DPP6: variants seen among roughly 807,000 people sequenced by gnomAD.
DPP6 encodes the protein dipeptidyl peptidase like 6.
DPP6 carries 69 observed loss-of-function variants against 122.6 expected under a neutral mutation model. The observed-to-expected ratio is 0.56, with a 90% CI of 0.46 to 0.69. The LOEUF is 0.69. Ranked by LOEUF, DPP6 falls within the 30% of genes least tolerant of loss-of-function variation. The probability of loss-of-function intolerance (pLI) is 0.00; values close to 1 mark genes in which losing one functional copy is unlikely to be tolerated. For missense variants in DPP6, 928 were observed against 1,116.9 expected, an observed-to-expected ratio of 0.83 and a Z score of 2.41; for synonymous variants, 418 against 433.1, an observed-to-expected ratio of 0.97 and a Z score of 0.43.
chr7:154,678,705 T>G, intron 7 of DPP6, among the ~76,000 whole-genome samples: 1 of 152,238 alleles, frequency 6.6e-6, no homozygotes, highest in Admixed American at 6.5e-5. Flanking sequence ...GAATATTTTA[T>G]TTTGTTTGTT....
intron 8 of DPP6, among the ~76,000 whole-genome samples, chr7:154,761,505 G>A (rs866553817): frequency 1.3e-5 from 2 of 150,642 alleles, no homozygotes; most frequent in Non-Finnish European, 3.0e-5. Context: ...CCGAGACTGG[G>A]TAATTTAGAA....
At chr7:154,358,843 T>A (rs1811489039) in intron 1 of DPP6, among the ~76,000 whole-genome samples, 1 of 152,100 alleles carries the variant, frequency 6.6e-6, no homozygotes, top group South Asian at 2.1e-4. Flanking sequence ...GTGGCTGGGA[T>A]TACAGGCAGC....
chr7:153,845,966 AATG>A, the DPP6 span, among the ~76,000 whole-genome samples: 314 of 152,296 alleles, frequency 2.1e-3, 1 homozygote, highest in African/African-American at 7.3e-3. Flanking sequence ...AATTTCATCT[AATG>A]ATTTACTGTT....
intron 1 of DPP6, among the ~76,000 whole-genome samples, chr7:153,946,556 T>G (rs909714070): frequency 6.6e-6 from 1 of 152,092 alleles, no homozygotes; most frequent in African/African-American, 2.4e-5. Context: ...AGCAGGACCT[T>G]TGTGACTTGT....
chr7:154,467,771 A>T (rs1017053573), intron 2 of DPP6, among the ~76,000 whole-genome samples: 2 of 152,310 alleles, frequency 1.3e-5, no homozygotes, highest in African/African-American at 4.8e-5. Context: ...ATGTCATGGG[A>T]ATTCATTCCA....
chr7:154,434,830 T>C (rs1395619676), intron 1 of DPP6, among the ~76,000 whole-genome samples: 1 of 152,090 alleles, frequency 6.6e-6, no homozygotes, highest in Non-Finnish European at 1.5e-5. Flanking sequence ...TTTATTTTAT[T>C]CTATTTTTAT....
intron 5 of DPP6, among the ~76,000 whole-genome samples, chr7:154,623,657 A>C (rs62477227): frequency 8.9e-4 from 35 of 39,296 alleles, no homozygotes; most frequent in Non-Finnish European, 1.4e-3. Flanking sequence ...ACACACGCGC[A>C]CACACACGCA....
intron 8 of DPP6, among the ~76,000 whole-genome samples, chr7:154,740,802 A>T (rs1842783591): frequency 6.6e-6 from 1 of 152,130 alleles, no homozygotes; most frequent in Non-Finnish European, 1.5e-5. Flanking sequence ...TCACCCCCAC[A>T]CACAGGACAT....
intron 6 of DPP6, among the ~76,000 whole-genome samples, chr7:154,640,271 A>ACAT: frequency 6.6e-6 from 1 of 152,232 alleles, no homozygotes; most frequent in South Asian, 2.1e-4. Flanking sequence ...AAAAACAACA[A>ACAT]TTGGGATTAA....
intron 1 of DPP6, among the ~76,000 whole-genome samples, chr7:153,973,942 A>G (rs1423639555): frequency 1.3e-5 from 2 of 151,408 alleles, no homozygotes; most frequent in Non-Finnish European, 2.9e-5. Flanking sequence ...CATTTTGGCA[A>G]TTTTAAAAGT....
Position 154,450,496 on chromosome 7 carries a change from C to G in DPP6, c.358+4168C>G, listed in dbSNP as rs574914748. Among the ~76,000 whole-genome samples, 5 of 152,170 alleles carry G rather than the reference C, an allele frequency of 3.3e-5. No individual in the cohort carries two copies. In the East Asian group the frequency reaches 7.7e-4, roughly 23 times the overall value. On this transcript the variant is annotated intron_variant, in intron 2 of 25. Coordinates refer to ENST00000377770, the MANE Select transcript of DPP6 (RefSeq NM_130797.4). ...GTTGGGGGAGAAAAGTGTAACCTGG[C>G]CACAAAAGTGCCAGACATACTAAAT...
intron 1 of DPP6, chr7:153,887,810 T>A: frequency 1.3e-6 from 2 of 1,521,470 alleles, no homozygotes; most frequent in Non-Finnish European, 1.8e-6. Context: ...AGGTCTGTCC[T>A]TCTCAGTCCC....
intron 6 of DPP6, among the ~76,000 whole-genome samples, chr7:154,653,089 C>T (rs537694051): frequency 1.3e-5 from 2 of 152,130 alleles, no homozygotes; most frequent in Admixed American, 6.5e-5. Flanking sequence ...CTCTTGGCAA[C>T]ATTTTTTGTT....
chr7:154,274,853 AT>A (rs1563401161), intron 1 of DPP6, among the ~76,000 whole-genome samples: 1 of 152,188 alleles, frequency 6.6e-6, no homozygotes, highest in Non-Finnish European at 1.5e-5. Flanking sequence ...GTCAGGAATA[AT>A]TTTTTGAAAA....
intron 1 of DPP6, among the ~76,000 whole-genome samples, chr7:154,043,506 G>GGTATCTTATTGGAAGTCTTGTGTT (rs1420071823): frequency 2.6e-4 from 38 of 143,576 alleles, no homozygotes; most frequent in Non-Finnish European, 4.5e-4. Context: ...ATTATAACCA[G>GGTATCTTATTGGAAGTCTTGTGTT]GTATCTTATT....
intron 1 of DPP6, among the ~76,000 whole-genome samples, chr7:154,280,800 G>A (rs1368865344): frequency 6.6e-6 from 1 of 152,058 alleles, no homozygotes; most frequent in African/African-American, 2.4e-5. Context: ...TTTGTGCCAA[G>A]CTCTGTTCTA....
At chr7:154,834,646 C>T (rs905769758) in intron 16 of DPP6, among the ~76,000 whole-genome samples, 6 of 152,208 alleles carry the variant, frequency 3.9e-5, no homozygotes, top group East Asian at 1.9e-4. Context: ...TAGGGTTGCA[C>T]GGTGGTGAGC....
At position 154,663,957 on chromosome 7, in the gene DPP6, G is replaced by T. The variant is rs375290842; in HGVS notation, c.681-5403G>T. ...TGTAGTCAAGATGAATCACCATGGCGTATTGGCGCTAGTATTCATATAGTC... is the reference window on the plus strand; with the variant it reads ...TGTAGTCAAGATGAATCACCATGGCTTATTGGCGCTAGTATTCATATAGTC... On this transcript the variant is annotated intron_variant, in intron 6 of 25. Transcript: ENST00000377770. 2.9e-3 allele frequency among the ~76,000 whole-genome samples: 277 copies of T among 96,556 alleles called. 1 individual carries two copies. In the East Asian group the frequency reaches 0.11, roughly 38 times the overall value. 63.3% of individuals were successfully genotyped at this position (96,556 alleles called of 152,430 possible).
At chr7:153,946,779 G>A (rs1194078582) in intron 1 of DPP6, among the ~76,000 whole-genome samples, 1 of 152,122 alleles carries the variant, frequency 6.6e-6, no homozygotes, top group Non-Finnish European at 1.5e-5. Flanking sequence ...AGGTGGGGAG[G>A]ACTTTCTGGA....
Sources: gnomAD v4.1 joint callset for allele counts (sites outside exome capture counted in the v4.1 genomes callset) on GRCh38, gnomAD v4.1.1 for gene constraint, MANE v1.5 for transcripts, NCBI Gene and HGNC (gene_info 2026-07-23, HGNC 2026-07-21) for gene names.